CYFIP2: variants seen among roughly 807,000 people sequenced by gnomAD.
CYFIP2 encodes the protein cytoplasmic FMR1 interacting protein 2, also known as cytoplasmic FMR1-interacting protein 2.
In CYFIP2, 29 loss-of-function variants were observed where a neutral mutation model predicts 158.7. The observed-to-expected ratio is 0.18, with a 90% CI of 0.14 to 0.25. The LOEUF is 0.25. Among genes scored for constraint, CYFIP2 ranks in the 10% least tolerant of loss-of-function variants. The pLI is 1.00. For missense variants in CYFIP2, 852 were observed against 1,639.5 expected, an observed-to-expected ratio of 0.52 and a Z score of 8.29; for synonymous variants, 585 against 617.6, an observed-to-expected ratio of 0.95 and a Z score of 0.78.
chr5:157,365,122 G>T (rs1764244070), intron 26 of CYFIP2: 1 of 152,048 alleles, frequency 6.6e-6, no homozygotes, highest in Admixed American at 6.6e-5. Flanking sequence ...CTAGGTATGA[G>T]GGAGGAATCC....
intron 1 of CYFIP2, among the ~76,000 whole-genome samples, chr5:157,269,783 G>A (rs1318577649): frequency 2.0e-5 from 3 of 152,244 alleles, no homozygotes; most frequent in Non-Finnish European, 4.4e-5. Flanking sequence ...AAGGCACTTT[G>A]TGATTCACAG....
chr5:157,352,589 A>T (rs542864092), intron 23 of CYFIP2, among the ~76,000 whole-genome samples: 1 of 152,198 alleles, frequency 6.6e-6, no homozygotes, highest in African/African-American at 2.4e-5. Flanking sequence ...GCAGAATTTC[A>T]TCTTGTATCT....
intron 16 of CYFIP2, among the ~76,000 whole-genome samples, chr5:157,324,471 C>T (rs1313825295): frequency 1.3e-5 from 2 of 152,254 alleles, no homozygotes; most frequent in Non-Finnish European, 2.9e-5. Context: ...GTCCTGTGTT[C>T]TTCACACTTC....
At chr5:157,375,464 A>G (rs372527482) in intron 26 of CYFIP2, among the ~76,000 whole-genome samples, 9 of 152,224 alleles carry the variant, frequency 5.9e-5, no homozygotes, top group African/African-American at 2.2e-4. Context: ...ACTGGAAACC[A>G]TGTATCTTTG....
intron 15 of CYFIP2, among the ~76,000 whole-genome samples, chr5:157,321,058 C>T (rs769287750): frequency 6.6e-6 from 1 of 152,240 alleles, no homozygotes; most frequent in Admixed American, 6.5e-5. Context: ...CTCTCTGTGC[C>T]TCAGTTGTTT....
At chr5:157,308,316 C>T (rs1318500532) in intron 9 of CYFIP2, among the ~76,000 whole-genome samples, 4 of 152,108 alleles carry the variant, frequency 2.6e-5, no homozygotes, top group African/African-American at 4.8e-5. Context: ...AAATCACAGC[C>T]TCTCACCTGG....
chr5:157,333,557 T>G, intron 21 of CYFIP2, 111 bp downstream of exon 21: 1 of 1,430,356 alleles, frequency 7.0e-7, no homozygotes, highest in Non-Finnish European at 9.7e-7. Flanking sequence ...GGGCAGTGAG[T>G]CTCTTTCCCA....
At chr5:157,304,191 C>T in intron 7 of CYFIP2, 47 bp from the exon 8 acceptor site, 1 of 1,582,092 alleles carries the variant, frequency 6.3e-7, no homozygotes, top group African/African-American at 1.3e-5. Context: ...CAGGTGAGGG[C>T]ACAGGATACA....
At position 157,390,569 on chromosome 5, in the gene CYFIP2, C is replaced by T. The variant is rs749240469; in HGVS notation, c.3495C>T (p.Val1165=). The T allele has an allele frequency of 3.9e-6, 6 of 1,554,062 alleles. No individual in the cohort carries two copies. In the East Asian group the frequency reaches 9.6e-5, roughly 25 times the overall value. ...GLNWAGCSII[V]LLGQQRRFDL... Reference sequence around the variant, plus strand: ...ACTGGGCTGGTTGCTCCATCATTGTCCTGCTGGGCCAGCAGCGTCGCTTTG... The same window carrying T: ...ACTGGGCTGGTTGCTCCATCATTGTTCTGCTGGGCCAGCAGCGTCGCTTTG... The change falls in exon 30 of 31, where the codon GTC becomes GTT. Residue 1165 remains valine, a synonymous_variant. Coordinates refer to ENST00000620254, the MANE Select transcript of CYFIP2 (RefSeq NM_001037333.3).
chr5:157,273,503 A>T (rs932192806), intron 1 of CYFIP2, among the ~76,000 whole-genome samples: 1 of 152,138 alleles, frequency 6.6e-6, no homozygotes, highest in Non-Finnish European at 1.5e-5. Flanking sequence ...AGGCAGGGGC[A>T]GGGGGAGGGA....
At chr5:157,358,154 CGAT>C (rs755827879) in intron 23 of CYFIP2, among the ~76,000 whole-genome samples, 3 of 152,126 alleles carry the variant, frequency 2.0e-5, no homozygotes, top group Non-Finnish European at 2.9e-5. Context: ...GCGTTAGAGT[CGAT>C]GATAACTTTT....
At position 157,294,821 on chromosome 5, in the gene CYFIP2, G is replaced by T; in HGVS notation, c.246G>T (p.Met82Ile). 1 of 1,613,880 alleles carries T rather than the reference G, an allele frequency of 6.2e-7. No homozygotes were observed. The highest frequency in any genetic ancestry group is 8.5e-7 in the Non-Finnish European group (1 of 1,179,814). Residue 82 changes from methionine to isoleucine, a missense_variant, in exon 4 of 31, where the codon ATG (methionine) becomes ATT (isoleucine). Around this residue, in one of 8 missense-constraint regions of CYFIP2, gnomAD observed 123 missense variants for 316.7 expected, o/e 0.39. Coordinates refer to ENST00000620254, the MANE Select transcript of CYFIP2 (RefSeq NM_001037333.3). ...MLEEGHEYAV[M>I]LYTWRSCSRA... ...AGGAAGGACATGAGTATGCGGTCAT[G>T]CTGTACACCTGGCGCAGCTGTTCCC...
At chr5:157,313,453 G>T (rs1318016811) in intron 11 of CYFIP2, among the ~76,000 whole-genome samples, 2 of 152,212 alleles carry the variant, frequency 1.3e-5, no homozygotes, top group East Asian at 3.9e-4. Context: ...ATTTTAAATT[G>T]AACAATTAGA....
intron 1 of CYFIP2, among the ~76,000 whole-genome samples, chr5:157,276,864 A>G (rs1756585743): frequency 6.6e-6 from 1 of 152,120 alleles, no homozygotes; most frequent in African/African-American, 2.4e-5. Context: ...TTTATGGCAT[A>G]TAATATTAGT....
At chr5:157,332,614 A>T (rs537405415) in intron 20 of CYFIP2, among the ~76,000 whole-genome samples, 1 of 152,330 alleles carries the variant, frequency 6.6e-6, no homozygotes, top group East Asian at 1.9e-4. Context: ...TTATCGGTGC[A>T]TGCACGTAGT....
At position 157,307,626 on chromosome 5, in the gene CYFIP2, G is replaced by A. The variant is rs1581023918; in HGVS notation, c.796-135G>A. 8.8e-6 allele frequency: 4 copies of A among 452,322 alleles called. No individual in the cohort carries two copies. In the East Asian group the frequency reaches 1.1e-4, roughly 12 times the overall value. The allele number at this position is 452,322 out of a possible 1,614,324, so 28.0% of individuals were successfully genotyped here. A position where few individuals can be genotyped will look rare whatever the true frequency, so the allele number is the denominator to read the frequency against. ...CATAGATTTTCATAATATAATGTGT[G>A]TCTCTACAGGGTGTGTGTGTGTGTG... On this transcript the variant is annotated intron_variant, in intron 8 of 30. Coordinates refer to ENST00000620254, the MANE Select transcript of CYFIP2 (RefSeq NM_001037333.3).
intron 23 of CYFIP2, among the ~76,000 whole-genome samples, chr5:157,355,143 A>C (rs779155880): frequency 4.8e-5 from 7 of 146,918 alleles, no homozygotes; most frequent in Non-Finnish European, 1.0e-4. Context: ...TGATGTTCTT[A>C]ATGTTGAATA....
chr5:157,327,927 A>G, intron 18 of CYFIP2, 46 bp from the exon 19 acceptor site: 1 of 1,587,440 alleles, frequency 6.3e-7, no homozygotes, highest in Non-Finnish European at 8.6e-7. Flanking sequence ...TTTCTGTCAT[A>G]AAGCTGAACG....
chr5:157,312,863 TA>T (rs1182027414), intron 11 of CYFIP2, among the ~76,000 whole-genome samples: 22 of 152,274 alleles, frequency 1.4e-4, no homozygotes, highest in East Asian at 1.2e-3. Context: ...AGAGCTCTTT[TA>T]AAAATTTTTT....
Sources: allele counts gnomAD v4.1 joint callset (sites outside exome capture counted in the v4.1 genomes callset), GRCh38; gene constraint gnomAD v4.1.1; regional missense constraint gnomAD v4.1.1; transcripts MANE v1.5; gene names NCBI Gene and HGNC (gene_info 2026-07-23, HGNC 2026-07-21).